The following DCC variants were observed in gnomAD, a reference collection of about 807,000 sequenced individuals.
DCC encodes netrin receptor DCC.
A neutral mutation model predicts 172.5 loss-of-function variants in DCC; 58 were observed. That is an observed-to-expected ratio of 0.34 (90% CI 0.27 to 0.42). The LOEUF is 0.42. DCC is among the 10% of genes least tolerant of loss of function. The pLI is 1.00. For synonymous variants in DCC, 709 were observed against 644.5 expected, an observed-to-expected ratio of 1.10 and a Z score of -1.52; for missense variants, 1,740 against 1,791.0, an observed-to-expected ratio of 0.97 and a Z score of 0.51.
chr18:52,347,114 CT>C (rs1983913706), intron 1 of DCC, among the ~76,000 whole-genome samples: 1 of 152,256 alleles, frequency 6.6e-6, no homozygotes, highest in Admixed American at 6.5e-5. Context: ...AGGATGTTAT[CT>C]GATGAAAATA....
At chr18:53,448,968 G>A (rs2045372017) in intron 22 of DCC, among the ~76,000 whole-genome samples, 1 of 152,148 alleles carries the variant, frequency 6.6e-6, no homozygotes, top group Non-Finnish European at 1.5e-5. Context: ...TTTATTATAA[G>A]CACCTCCTCT....
intron 2 of DCC, among the ~76,000 whole-genome samples, chr18:52,848,564 TTTAC>T (rs1172803291): frequency 6.6e-6 from 1 of 152,214 alleles, no homozygotes; most frequent in African/African-American, 2.4e-5. Flanking sequence ...TTTACTTATA[TTTAC>T]TTAATGTAAG....
At chr18:53,359,282 G>C (rs1159352225) in intron 15 of DCC, among the ~76,000 whole-genome samples, 1 of 152,118 alleles carries the variant, frequency 6.6e-6, no homozygotes, top group African/African-American at 2.4e-5. Flanking sequence ...ATATTTAACA[G>C]CCATTTTGCT....
At chr18:52,702,740 G>T (rs2036146115) in intron 1 of DCC, among the ~76,000 whole-genome samples, 1 of 152,028 alleles carries the variant, frequency 6.6e-6, no homozygotes, top group African/African-American at 2.4e-5. Flanking sequence ...ATTGCAAATT[G>T]TCATCCTTCA....
intron 12 of DCC, among the ~76,000 whole-genome samples, chr18:53,222,754 A>T (rs563555430): frequency 7.6e-4 from 115 of 152,224 alleles, no homozygotes; most frequent in African/African-American, 2.2e-3. Context: ...GAGGTTTCCT[A>T]TTGGAGATAT....
intron 1 of DCC, among the ~76,000 whole-genome samples, chr18:52,365,868 G>A (rs1984824738): frequency 6.6e-6 from 1 of 152,114 alleles, no homozygotes; most frequent in African/African-American, 2.4e-5. Flanking sequence ...AATGAGTATG[G>A]CTTTGTTCCA....
chr18:52,429,375 C>T (rs1445062924), intron 1 of DCC, among the ~76,000 whole-genome samples: 1 of 151,958 alleles, frequency 6.6e-6, no homozygotes, highest in African/African-American at 2.4e-5. Context: ...TAGACATTAC[C>T]CTTGAATTTT....
intron 1 of DCC, among the ~76,000 whole-genome samples, chr18:52,629,803 A>T (rs1234714989): frequency 1.3e-5 from 2 of 152,040 alleles, no homozygotes; most frequent in Non-Finnish European, 2.9e-5. Flanking sequence ...ACAAAAAATT[A>T]GCTGGGCGTG....
intron 1 of DCC, among the ~76,000 whole-genome samples, chr18:52,581,601 T>G (rs1444184846): frequency 6.6e-6 from 1 of 152,100 alleles, no homozygotes; most frequent in Non-Finnish European, 1.5e-5. Context: ...CATCTATACA[T>G]GTCACTTTTT....
chr18:53,253,125 C>A (rs1248785232), intron 12 of DCC, among the ~76,000 whole-genome samples: 1 of 151,658 alleles, frequency 6.6e-6, no homozygotes, highest in Non-Finnish European at 1.5e-5. Flanking sequence ...TTAATTCAAC[C>A]ACAGATGTAA....
chr18:52,893,959 G>A (rs1178171156), intron 2 of DCC, among the ~76,000 whole-genome samples: 2 of 151,972 alleles, frequency 1.3e-5, no homozygotes, highest in African/African-American at 2.4e-5. Context: ...ATAAGTTTTC[G>A]AACTCACTGC....
At chr18:52,752,740 C>A (rs1287236526) in intron 2 of DCC, among the ~76,000 whole-genome samples, 1 of 152,134 alleles carries the variant, frequency 6.6e-6, no homozygotes, top group Admixed American at 6.5e-5. Flanking sequence ...AAACATCTTT[C>A]CATTCCTTAC....
rs148204054 is a variant in DCC, at chr18:52,763,953, C to T, written c.412+11579C>T. Among the ~76,000 whole-genome samples the T allele has an allele frequency of 2.6e-3, 392 of 152,276 alleles. 1 individual carries two copies. The highest frequency in any genetic ancestry group is 0.014 in the Middle Eastern group (4 of 294). ...TGGTTTATGATTCACATATTGAAAG[C>T]TATTCTATTTGTTTCTGAATTTTTG... On this transcript the variant is annotated intron_variant, in intron 2 of 28. Coordinates refer to ENST00000442544, the MANE Select transcript of DCC (RefSeq NM_005215.4).
chr18:52,654,320 T>A (rs1444715964), intron 1 of DCC, among the ~76,000 whole-genome samples: 3 of 152,162 alleles, frequency 2.0e-5, no homozygotes, highest in Non-Finnish European at 4.4e-5. Flanking sequence ...GGAACCACTA[T>A]AAGACCATTA....
At chr18:53,494,569 G>A (rs2045997383) in intron 26 of DCC, among the ~76,000 whole-genome samples, 1 of 152,120 alleles carries the variant, frequency 6.6e-6, no homozygotes, top group Non-Finnish European at 1.5e-5. Context: ...TTATGTAATG[G>A]CCTTCTTTGT....
chr18:53,346,577 A>T (rs545618052), intron 15 of DCC, among the ~76,000 whole-genome samples: 3 of 152,088 alleles, frequency 2.0e-5, no homozygotes, highest in Non-Finnish European at 2.9e-5. Context: ...TTAGGCTCAT[A>T]TGGTAAAGGT....
intron 1 of DCC, among the ~76,000 whole-genome samples, chr18:52,460,036 T>C (rs1279399086): frequency 1.3e-5 from 2 of 152,142 alleles, no homozygotes; most frequent in Non-Finnish European, 2.9e-5. Flanking sequence ...TGCATATTTC[T>C]TTATGGTAGA....
chr18:52,979,152 T>C (rs1598993082), intron 5 of DCC, among the ~76,000 whole-genome samples: 2 of 152,068 alleles, frequency 1.3e-5, no homozygotes, highest in Non-Finnish European at 2.9e-5. Flanking sequence ...ATATTTGAAG[T>C]TGGAAGAGAT....
intron 5 of DCC, among the ~76,000 whole-genome samples, chr18:53,055,305 T>C (rs2042388952): frequency 6.6e-6 from 1 of 152,176 alleles, no homozygotes; most frequent in Non-Finnish European, 1.5e-5. Context: ...TACTTTCATT[T>C]GAGAAAACAT....
Sources: allele counts gnomAD v4.1 joint callset (sites outside exome capture counted in the v4.1 genomes callset), GRCh38; gene constraint gnomAD v4.1.1; transcripts MANE v1.5; gene names NCBI Gene and HGNC (gene_info 2026-07-23, HGNC 2026-07-21).